Variants in FHIT observed in about 807,000 individuals in gnomAD.
FHIT encodes the protein fragile histidine triad diadenosine triphosphatase.
In FHIT, 19 loss-of-function variants were observed where a neutral mutation model predicts 17.9. The observed-to-expected ratio is 1.06, with a 90% CI of 0.74 to 1.56. The LOEUF is 1.56. FHIT is among the 40% of genes most tolerant of loss of function. FHIT has a pLI of 0.00. For synonymous variants in FHIT, 81 were observed against 69.7 expected (o/e 1.16, Z -0.81); for missense variants, 248 against 189.2 (o/e 1.31, Z -1.82).
intron 4 of FHIT, among the ~76,000 whole-genome samples, chr3:60,779,495 T>A (rs1700312245): frequency 6.6e-6 from 1 of 152,154 alleles, no homozygotes. Context: ...TTTGGGAAAG[T>A]AAGACCAAGT....
intron 2 of FHIT, among the ~76,000 whole-genome samples, chr3:61,155,949 G>A (rs140944173): frequency 2.4e-3 from 373 of 152,246 alleles, no homozygotes; most frequent in Non-Finnish European, 4.2e-3. Context: ...TTCCTTCTGG[G>A]AGTCTAAAAT....
intron 7 of FHIT, among the ~76,000 whole-genome samples, chr3:59,963,090 C>A (rs997493959): frequency 6.6e-6 from 1 of 151,950 alleles, no homozygotes; most frequent in African/African-American, 2.4e-5. Context: ...CCCATCTCTA[C>A]CAAAAATACA....
chr3:59,920,738 T>G (rs1003621771), intron 8 of FHIT, among the ~76,000 whole-genome samples: 1 of 152,230 alleles, frequency 6.6e-6, no homozygotes, highest in African/African-American at 2.4e-5. Context: ...TTAGTGAGAT[T>G]GGTATTTGTA....
intron 5 of FHIT, among the ~76,000 whole-genome samples, chr3:60,119,623 G>T (rs1705155279): frequency 2.0e-5 from 3 of 151,984 alleles, no homozygotes; most frequent in Non-Finnish European, 2.9e-5. Flanking sequence ...CATCGTGTCG[G>T]GTAAGGAAAT....
chr3:60,497,414 T>A (rs1054793429), intron 5 of FHIT, among the ~76,000 whole-genome samples: 1 of 152,238 alleles, frequency 6.6e-6, no homozygotes, highest in African/African-American at 2.4e-5. Flanking sequence ...GAAATATCTC[T>A]TTAATCAGTT....
intron 4 of FHIT, among the ~76,000 whole-genome samples, chr3:60,565,276 C>A (rs956207911): frequency 1.3e-5 from 2 of 152,084 alleles, no homozygotes; most frequent in Non-Finnish European, 2.9e-5. Context: ...TGGTGTGTAT[C>A]TGAACCCATA....
chr3:61,189,245 C>T (rs1261552310), intron 2 of FHIT, among the ~76,000 whole-genome samples: 2 of 152,162 alleles, frequency 1.3e-5, no homozygotes, highest in Non-Finnish European at 2.9e-5. Context: ...TCTCAGGATA[C>T]AAAATCAACG....
chr3:59,998,587 AT>A (rs1402975839), intron 7 of FHIT, among the ~76,000 whole-genome samples: 9 of 152,106 alleles, frequency 5.9e-5, no homozygotes, highest in Admixed American at 3.9e-4. Context: ...GAATTGATTT[AT>A]TTCTAAATGG....
chr3:60,130,570 T>G (rs929833511), intron 5 of FHIT, among the ~76,000 whole-genome samples: 2 of 152,164 alleles, frequency 1.3e-5, no homozygotes, highest in African/African-American at 4.8e-5. Flanking sequence ...ATCTGTATTT[T>G]TATACAACTT....
intron 1 of FHIT, among the ~76,000 whole-genome samples, chr3:61,201,375 G>A (rs950698642): frequency 4.6e-5 from 7 of 152,168 alleles, no homozygotes; most frequent in East Asian, 1.9e-4. Context: ...TTACAGTATC[G>A]TGAAGCTGGT....
chr3:60,118,722 T>G (rs9867596), intron 5 of FHIT, among the ~76,000 whole-genome samples: 39,178 of 133,852 alleles, frequency 0.29, 6,091 homozygotes, highest in Non-Finnish European at 0.36. Flanking sequence ...ATTAAGAACT[T>G]CAGGGTCCGG....
chr3:59,826,620 C>G (rs1700987838), intron 8 of FHIT, among the ~76,000 whole-genome samples: 2 of 152,236 alleles, frequency 1.3e-5, no homozygotes, highest in Non-Finnish European at 1.5e-5. Flanking sequence ...AGCCCCTAAC[C>G]TGGCATTGTA....
chr3:60,207,197 T>C (rs1326251697), intron 5 of FHIT, among the ~76,000 whole-genome samples: 2 of 151,916 alleles, frequency 1.3e-5, no homozygotes, highest in Non-Finnish European at 2.9e-5. Context: ...TCTGTACCAA[T>C]AAACATCCAG....
At chr3:60,460,183 A>G (rs1322817474) in intron 5 of FHIT, among the ~76,000 whole-genome samples, 1 of 152,148 alleles carries the variant, frequency 6.6e-6, no homozygotes, top group Non-Finnish European at 1.5e-5. Flanking sequence ...TTCCTCACTT[A>G]CCTTTCGGGG....
intron 4 of FHIT, among the ~76,000 whole-genome samples, chr3:60,559,976 C>T (rs964566853): frequency 3.9e-5 from 6 of 152,040 alleles, no homozygotes; most frequent in Admixed American, 3.3e-4. Flanking sequence ...GGCCAGAGCC[C>T]TAAGTTTAAA....
intron 5 of FHIT, among the ~76,000 whole-genome samples, chr3:60,043,811 G>C (rs1264772008): frequency 6.6e-6 from 1 of 152,060 alleles, no homozygotes; most frequent in Non-Finnish European, 1.5e-5. Flanking sequence ...AAAAAAGTCC[G>C]ACCCAGCTGA....
chr3:60,188,714 T>C (rs894498388), intron 5 of FHIT, among the ~76,000 whole-genome samples: 2 of 152,198 alleles, frequency 1.3e-5, no homozygotes, highest in Non-Finnish European at 2.9e-5. Flanking sequence ...ATTGAATCTA[T>C]TTCTATTAAA....
chr3:60,020,651 G>C (rs1700521331), intron 5 of FHIT, among the ~76,000 whole-genome samples: 3 of 152,168 alleles, frequency 2.0e-5, no homozygotes, highest in African/African-American at 7.2e-5. Flanking sequence ...TTGCAATGCA[G>C]ACCTCAGCAG....
intron 8 of FHIT, among the ~76,000 whole-genome samples, chr3:59,851,690 C>T (rs1382125285): frequency 6.6e-6 from 1 of 152,138 alleles, no homozygotes; most frequent in Non-Finnish European, 1.5e-5. Flanking sequence ...AGGGTCTTGC[C>T]CAAAACTACA....
Sources: allele counts gnomAD v4.1 joint callset (sites outside exome capture counted in the v4.1 genomes callset), GRCh38; gene constraint gnomAD v4.1.1; transcripts MANE v1.5; gene names NCBI Gene and HGNC (gene_info 2026-07-23, HGNC 2026-07-21).